Variants in STT3A observed in about 807,000 individuals in gnomAD.
STT3A encodes the protein STT3 oligosaccharyltransferase complex catalytic subunit A.
A neutral mutation model predicts 89.2 loss-of-function variants in STT3A; 34 were observed. The observed-to-expected ratio is 0.38, with a 90% CI of 0.29 to 0.51. The LOEUF (loss-of-function observed/expected upper bound fraction) is 0.51, where lower values mean the gene tolerates loss of function less well. Ranked by LOEUF, STT3A falls within the 20% of genes least tolerant of loss-of-function variation. The probability of loss-of-function intolerance (pLI) is 0.89; values close to 1 mark genes in which losing one functional copy is unlikely to be tolerated. For synonymous variants in STT3A, 282 were observed against 310.3 expected (o/e 0.91, Z 0.96); for missense variants, 555 against 889.5 (o/e 0.62, Z 4.78).
At chr11:125,603,013 G>T in intron 5 of STT3A, 65 bp downstream of exon 5, 1 of 1,583,490 alleles carries the variant, frequency 6.3e-7, no homozygotes. Flanking sequence ...AATCGATGCT[G>T]GAGGGTGGGG....
chr11:125,601,067 A>C (rs1007506441), intron 3 of STT3A, among the ~76,000 whole-genome samples: 1 of 152,198 alleles, frequency 6.6e-6, no homozygotes, highest in Non-Finnish European at 1.5e-5. Context: ...GCTTACAGGC[A>C]TGAGCTGCCA....
intron 15 of STT3A, among the ~76,000 whole-genome samples, chr11:125,615,799 T>C (rs717077): frequency 0.39 from 59,930 of 152,092 alleles, 12,243 homozygotes; most frequent in African/African-American, 0.5. Flanking sequence ...GCCTGTAATC[T>C]GAGCACTTTG....
intron 16 of STT3A, among the ~76,000 whole-genome samples, chr11:125,619,276 TC>T: frequency 6.6e-6 from 1 of 151,642 alleles, no homozygotes; most frequent in East Asian, 1.9e-4. Context: ...GCCAGGCTGG[TC>T]TCGAACTCCT....
intron 3 of STT3A, among the ~76,000 whole-genome samples, chr11:125,600,251 T>C (rs1197752223): frequency 1.3e-5 from 2 of 152,254 alleles, no homozygotes; most frequent in East Asian, 1.9e-4. Context: ...GGTTTCTCCA[T>C]GTTGGTCAGG....
intron 1 of STT3A, chr11:125,594,812 A>C (rs1055825774): frequency 9.2e-5 from 14 of 152,094 alleles, no homozygotes; most frequent in Admixed American, 5.2e-4. Context: ...TTATCATCTG[A>C]TGCCATCAAA....
chr11:125,597,503 G>A (rs1294352741), intron 3 of STT3A, among the ~76,000 whole-genome samples: 1 of 152,002 alleles, frequency 6.6e-6, no homozygotes, highest in Non-Finnish European at 1.5e-5. Context: ...TTGCTAGTAT[G>A]TCTGCCTATC....
At chr11:125,592,608 C>T (rs1192301646), upstream of STT3A, 2 of 402,442 alleles carry the variant, frequency 5.0e-6, no homozygotes, top group African/African-American at 2.1e-5. Context: ...CTGCTTGGGG[C>T]ACGTTCTTTC....
At chr11:125,605,410 T>C (rs1228011498) in intron 6 of STT3A, among the ~76,000 whole-genome samples, 1 of 152,232 alleles carries the variant, frequency 6.6e-6, no homozygotes, top group Admixed American at 6.5e-5. Context: ...CTCTTCTAAG[T>C]GCTTTACAGG....
At chr11:125,607,381 G>T (rs1939870967) in intron 8 of STT3A, among the ~76,000 whole-genome samples, 1 of 152,218 alleles carries the variant, frequency 6.6e-6, no homozygotes, top group South Asian at 2.1e-4. Flanking sequence ...TATGCAGTTT[G>T]CTAATCACTT....
rs1251865380 is a variant in STT3A at position 125,605,498 on chromosome 11, G to A, written c.509-131G>A. ...CTTCTTACATGAAACTGAAACAAAA[G>A]GAAGTAAATAATTTGCCTAAAATTA... is the stretch of plus-strand genomic sequence containing the variant. On this transcript the variant is annotated intron_variant, in intron 6 of 17. Transcript: ENST00000392708. 8.6e-6 allele frequency: 5 copies of A among 578,260 alleles called. No homozygotes were observed. The East Asian group carries it at 1.4e-4, about 16-fold the overall frequency. The allele number at this position is 578,260 out of a possible 1,614,324, so 35.8% of individuals were successfully genotyped here. A position where few individuals can be genotyped will look rare whatever the true frequency, so the allele number is the denominator to read the frequency against.
chr11:125,609,536 C>T lies in STT3A; in HGVS notation c.1064C>T (p.Thr355Ile). Reference sequence around the variant, plus strand: ...GCTTCTGTGTCTGAGCATCAGCCCACAACCTGGTCCTCATACTATTTTGAC... The same window carrying T: ...GCTTCTGTGTCTGAGCATCAGCCCATAACCTGGTCCTCATACTATTTTGAC... ...IIASVSEHQP[T>I]TWSSYYFDLQ... The change falls in exon 10 of 18, where the codon ACA becomes ATA. Residue 355 changes from threonine (T) to isoleucine (I), a missense_variant. This residue lies in a region of STT3A where 273 missense variants were observed against 449.8 expected (regional missense o/e 0.61). Coordinates refer to ENST00000392708, the MANE Select transcript of STT3A (RefSeq NM_152713.5). 1 of 1,614,220 alleles carries T rather than the reference C, an allele frequency of 6.2e-7. No individual in the cohort carries two copies. Among genetic ancestry groups the T allele is most frequent in the Non-Finnish European group, 8.5e-7 (1 of 1,180,042 alleles).
chr11:125,609,612 A>T lies in STT3A; in HGVS notation c.1117+23A>T, dbSNP rs763430283. On this transcript the variant is annotated intron_variant, in intron 10 of 17. Transcript: ENST00000392708. ...CAGGTATGTGGCCTCGTGTTCTGAA[A>T]TGGCCTTGTTCATAAGAATCACAAT... 13 of 1,595,082 alleles carry T rather than the reference A, an allele frequency of 8.2e-6. No homozygotes were observed. In the Admixed American group the frequency reaches 2.2e-4, roughly 27 times the overall value.
At chr11:125,596,128 C>T in intron 2 of STT3A, 125 bp downstream of exon 2, 1 of 767,360 alleles carries the variant, frequency 1.3e-6, no homozygotes. Context: ...TTCCATTCCT[C>T]ATTAGTATAA....
At chr11:125,606,987 T>TACTG (rs1939859580) in intron 8 of STT3A, among the ~76,000 whole-genome samples, 1 of 152,224 alleles carries the variant, frequency 6.6e-6, no homozygotes, top group South Asian at 2.1e-4. Flanking sequence ...AGTATTTCTT[T>TACTG]ACTGATTACC....
chr11:125,592,576 C>T, upstream of STT3A: 1 of 441,288 alleles, frequency 2.3e-6, no homozygotes, highest in Admixed American at 2.4e-5. Flanking sequence ...ACCGACACGT[C>T]ACTCCTCGGC....
chr11:125,610,627 G>A (rs1209399319), intron 10 of STT3A: 3 of 151,970 alleles, frequency 2.0e-5, no homozygotes, highest in Non-Finnish European at 4.4e-5. Context: ...TGAGGTGGGA[G>A]GATTGCTTGA....
At chr11:125,603,822 A>G (rs1024014280) in intron 5 of STT3A, among the ~76,000 whole-genome samples, 1 of 152,100 alleles carries the variant, frequency 6.6e-6, no homozygotes, top group South Asian at 2.1e-4. Flanking sequence ...TGATGTACAG[A>G]TATTGTTAGG....
rs1939843532 is a variant in STT3A at position 125,606,481 on chromosome 11, A to G, written c.780+16A>G. On this transcript the variant is annotated intron_variant, in intron 8 of 17. Coordinates refer to ENST00000392708, the MANE Select transcript of STT3A (RefSeq NM_152713.5). ...GGGTTTCCAGGTGAGCCCTTGACTG[A>G]GTAGGGTTTTCAGCTTCTACTTTTT... 7 of 1,600,558 alleles carry G rather than the reference A, an allele frequency of 4.4e-6. No homozygotes were observed. The East Asian group carries it at 1.6e-4, about 36-fold the overall frequency.
chr11:125,596,301 C>T (rs993667323), intron 2 of STT3A, among the ~76,000 whole-genome samples: 2 of 152,120 alleles, frequency 1.3e-5, no homozygotes, highest in African/African-American at 4.8e-5. Context: ...CCTGTCTCTA[C>T]TAAAAATACA....
Sources: allele counts gnomAD v4.1 joint callset (sites outside exome capture counted in the v4.1 genomes callset), GRCh38; gene constraint gnomAD v4.1.1; regional missense constraint gnomAD v4.1.1; transcripts MANE v1.5; gene names NCBI Gene and HGNC (gene_info 2026-07-23, HGNC 2026-07-21).